The following ANKLE2 variants were observed in gnomAD, a reference collection of about 807,000 sequenced individuals.
ANKLE2 encodes the protein ankyrin repeat and LEM domain containing 2, also known as ankyrin repeat and LEM domain-containing protein 2.
ANKLE2 carries 55 observed loss-of-function variants against 84.2 expected under a neutral mutation model. The observed-to-expected ratio is 0.65, with a 90% CI of 0.53 to 0.82. The LOEUF is 0.82. ANKLE2 is among the 40% of genes least tolerant of loss of function. The pLI, the probability that ANKLE2 is intolerant of heterozygous loss-of-function variation, is 0.00. For missense variants in ANKLE2, 1,238 were observed against 1,201.9 expected (o/e 1.03, Z -0.44); for synonymous variants, 551 against 486.1 (o/e 1.13, Z -1.76).
rs1184933500 is a variant in ANKLE2 at position 132,743,670 on chromosome 12, A to C, written c.1231-394T>G. Reference sequence around the variant, plus strand: ...GGCTTATACTTTTTTAAAAAAAAAAAGACTCACAAACAAAAAGGCCATAAA... The same window carrying C: ...GGCTTATACTTTTTTAAAAAAAAAACGACTCACAAACAAAAAGGCCATAAA... On this transcript the variant is annotated intron_variant, in intron 5 of 12. Coordinates refer to ENST00000357997, the MANE Select transcript of ANKLE2 (RefSeq NM_015114.3). The surrounding 1 kb of genome is among the most constrained non-coding windows in gnomAD (Gnocchi z 4.1). Among the ~76,000 whole-genome samples the C allele has an allele frequency of 6.8e-6, 1 of 146,640 alleles. No homozygotes were observed. The highest frequency in any genetic ancestry group is 1.5e-5 in the Non-Finnish European group (1 of 66,238).
intron 10 of ANKLE2, among the ~76,000 whole-genome samples, chr12:132,733,308 C>T (rs371399799): frequency 1.5e-3 from 79 of 51,352 alleles, no homozygotes; most frequent in Admixed American, 2.8e-3. Flanking sequence ...TGGTGTCTGA[C>T]GTGCACCGTG....
intron 1 of ANKLE2, 139 bp downstream of exon 1, chr12:132,761,479 C>G: frequency 1.3e-6 from 1 of 760,866 alleles, no homozygotes; most frequent in Non-Finnish European, 1.8e-6. Context: ...TGGCCTTTCC[C>G]GACCGGCCCT....
chr12:132,752,570 CG>C (rs887947245), intron 2 of ANKLE2, among the ~76,000 whole-genome samples: 2 of 152,024 alleles, frequency 1.3e-5, no homozygotes, highest in Non-Finnish European at 2.9e-5. Flanking sequence ...GGGGCTTCAC[CG>C]TGTTAGCCAG....
At chr12:132,732,779 A>G (rs12303133) in intron 10 of ANKLE2, among the ~76,000 whole-genome samples, 12,213 of 115,888 alleles carry the variant, frequency 0.11, 1,398 homozygotes, top group East Asian at 0.45. Context: ...GGTGTCTGAT[A>G]TGCACCGTGT....
chr12:132,756,920 G>C (rs868538557), intron 1 of ANKLE2: 8 of 151,034 alleles, frequency 5.3e-5, no homozygotes, highest in African/African-American at 2.0e-4. Context: ...AACAGAGCGA[G>C]ACTCCACCTC....
intron 7 of ANKLE2, 115 bp from the exon 8 acceptor site, chr12:132,737,180 A>C: frequency 2.3e-5 from 26 of 1,134,380 alleles, no homozygotes; most frequent in Non-Finnish European, 3.2e-5. Flanking sequence ...AATGGATCCA[A>C]CAGACGGGGC....
intron 7 of ANKLE2, among the ~76,000 whole-genome samples, chr12:132,740,943 G>C (rs2044109853): frequency 6.6e-6 from 1 of 150,832 alleles, no homozygotes; most frequent in Non-Finnish European, 1.5e-5. Flanking sequence ...GGCAGCTTCA[G>C]AATCGAAGGA....
intron 2 of ANKLE2, chr12:132,751,250 AT>A (rs945134583): frequency 1.4e-3 from 216 of 151,156 alleles, no homozygotes; most frequent in South Asian, 3.0e-3. Flanking sequence ...TTTTTACTTT[AT>A]TTTTTTTTTT....
intron 3 of ANKLE2, among the ~76,000 whole-genome samples, chr12:132,749,563 T>C (rs2044312658): frequency 6.6e-6 from 1 of 152,202 alleles, no homozygotes; most frequent in South Asian, 2.1e-4. Flanking sequence ...GAAGCACCTG[T>C]ATAAGGCTGA....
chr12:132,759,717 C>T (rs1265812075), intron 1 of ANKLE2: 3 of 135,368 alleles, frequency 2.2e-5, no homozygotes, highest in African/African-American at 1.2e-4. Flanking sequence ...ACAGTAACAG[C>T]ACTCAGAGGT....
chr12:132,758,120 A>G (rs1218699034), intron 1 of ANKLE2: 4 of 152,162 alleles, frequency 2.6e-5, no homozygotes, highest in African/African-American at 9.7e-5. Context: ...ATTAGAATAA[A>G]GCCAGGGAGC....
At chr12:132,753,655 C>A (rs1442913210) in intron 2 of ANKLE2, among the ~76,000 whole-genome samples, 2 of 152,042 alleles carry the variant, frequency 1.3e-5, no homozygotes, top group Admixed American at 6.5e-5. Context: ...GCCTGTAGTT[C>A]CCAGCTACTC....
intron 7 of ANKLE2, among the ~76,000 whole-genome samples, chr12:132,740,648 C>T (rs74730754): frequency 0.012 from 1,869 of 152,024 alleles, 19 homozygotes; most frequent in Non-Finnish European, 0.018. Context: ...AAAGAAGAGG[C>T]GCTTCTAGAA....
In ANKLE2 at chr12:132,740,865, G is replaced by T. The variant is rs115387962; in HGVS notation, c.1420+554C>A. Reference sequence around the variant, plus strand: ...GGGAGGGAACGTCCCGGAGGCGAGTGGGGAGGGAGTGTCCCGGAGCCAAGA... The same window carrying T: ...GGGAGGGAACGTCCCGGAGGCGAGTTGGGAGGGAGTGTCCCGGAGCCAAGA... On this transcript the variant is annotated intron_variant, in intron 7 of 12. Coordinates refer to ENST00000357997, the MANE Select transcript of ANKLE2 (RefSeq NM_015114.3). Among the ~76,000 whole-genome samples, 560 of 152,266 alleles carry T rather than the reference G, an allele frequency of 3.7e-3. 5 individuals are homozygous for T. Among genetic ancestry groups the T allele is most frequent in the African/African-American group, 0.013 (534 of 41,556 alleles).
chr12:132,739,908 A>T (rs2044086971), intron 7 of ANKLE2, among the ~76,000 whole-genome samples: 1 of 152,214 alleles, frequency 6.6e-6, no homozygotes, highest in African/African-American at 2.4e-5. Context: ...AGCCCACAGG[A>T]ACATGGATCT....
rs1007212502 is a variant in ANKLE2 at position 132,744,762 on chromosome 12, G to A, written c.1231-1486C>T. Among the ~76,000 whole-genome samples the A allele has an allele frequency of 3.3e-5, 5 of 152,082 alleles. No individual in the cohort carries two copies. The East Asian group carries it at 7.7e-4, about 24-fold the overall frequency. On this transcript the variant is annotated intron_variant, in intron 5 of 12. Transcript: ENST00000357997. ...GTGGCGTGATATGGGCTTACTGCAAGCTCCGCCTCCCGGGTTCACGCCATT... is the reference window on the plus strand; with the variant it reads ...GTGGCGTGATATGGGCTTACTGCAAACTCCGCCTCCCGGGTTCACGCCATT...
At chr12:132,735,776 G>C (rs186495141) in intron 8 of ANKLE2, among the ~76,000 whole-genome samples, 1 of 152,176 alleles carries the variant, frequency 6.6e-6, no homozygotes, top group African/African-American at 2.4e-5. Flanking sequence ...AGGAGGGCCC[G>C]AGCACGAGGC....
rs1251600631 is a variant in ANKLE2 at position 132,736,967 on chromosome 12, T to A, written c.1519A>T (p.Ser507Cys). The change falls in exon 8 of 13, where the codon AGC becomes TGC. Residue 507 changes from serine (S) to cysteine (C), a missense_variant. Ser to Cys is a moderately radical substitution (Grantham distance 112, BLOSUM62 -1). Transcript: ENST00000357997. ...PDQTAEASHV[S>C]RYGGSPRDPV... The stretch of plus-strand genomic sequence containing the variant: ...TCTCTGGGGCTGCCTCCATAGCGGC[T>A]GACGTGAGAGGCCTCAGCCGTCTGG... 5 of 1,613,794 alleles carry A rather than the reference T, an allele frequency of 3.1e-6. No homozygotes were observed. In the African/African-American group the frequency reaches 6.7e-5, roughly 22 times the overall value.
chr12:132,750,901 G>A (rs2044341384), intron 2 of ANKLE2, 52 bp from the exon 3 acceptor site: 3 of 1,544,212 alleles, frequency 1.9e-6, no homozygotes, highest in Admixed American at 1.7e-5. Flanking sequence ...CTGGAGAGCT[G>A]TCACCTGGCC....
Sources: allele counts gnomAD v4.1 joint callset (sites outside exome capture counted in the v4.1 genomes callset), GRCh38; gene constraint gnomAD v4.1.1; non-coding constraint Gnocchi (gnomAD v3.1); transcripts MANE v1.5; gene names NCBI Gene and HGNC (gene_info 2026-07-23, HGNC 2026-07-21).